Variants in LAMA2 observed in about 807,000 individuals in gnomAD.
LAMA2 encodes laminin subunit alpha 2, also known as laminin subunit alpha-2.
Under a neutral mutation model 364.8 loss-of-function variants are expected in LAMA2, and 269 were observed. The observed-to-expected ratio is 0.74, with a 90% CI of 0.67 to 0.82. The LOEUF (loss-of-function observed/expected upper bound fraction) is 0.82. LAMA2 is among the 40% of genes least tolerant of loss of function. The pLI is 0.00. For synonymous variants in LAMA2, 1,379 were observed against 1,370.6 expected, an observed-to-expected ratio of 1.01 and a Z score of -0.14; for missense variants, 3,807 against 3,873.2, an observed-to-expected ratio of 0.98 and a Z score of 0.45.
intron 28 of LAMA2, among the ~76,000 whole-genome samples, chr6:129,322,734 A>G (rs1775045230): frequency 6.6e-6 from 1 of 152,184 alleles, no homozygotes; most frequent in Admixed American, 6.5e-5. Context: ...TCACTTGTGA[A>G]CAAAAATGTT....
chr6:128,910,278 C>T (rs1332176897), intron 1 of LAMA2, among the ~76,000 whole-genome samples: 2 of 152,262 alleles, frequency 1.3e-5, no homozygotes, highest in Non-Finnish European at 2.9e-5. Flanking sequence ...GTACACCAAT[C>T]AGACGTGGAT....
chr6:129,261,072 T>C (rs181541492), intron 15 of LAMA2, among the ~76,000 whole-genome samples: 60 of 152,278 alleles, frequency 3.9e-4, no homozygotes, highest in African/African-American at 1.4e-3. Flanking sequence ...TGTTTCTGTC[T>C]TTGCTACATA....
chr6:129,192,689 A>G lies in LAMA2; in HGVS notation c.1618A>G (p.Met540Val). The G allele has an allele frequency of 1.2e-6, 2 of 1,614,084 alleles. No homozygotes were observed. Among genetic ancestry groups the G allele is most frequent in the Non-Finnish European group, 1.7e-6 (2 of 1,179,938 alleles). ...GTGTGTTTTCTCTAAGATACAAGAT[A>G]TGAGTGGCTGGTATCTGACTGACCT... The part of the protein sequence containing the change: ...SYWTYGKIQD[M>V]SGWYLTDLPG... Residue 540 changes from methionine (M) to valine (V), a missense_variant, in exon 12 of 65, where the codon ATG becomes GTG. Transcript: ENST00000421865.
intron 51 of LAMA2, among the ~76,000 whole-genome samples, chr6:129,466,299 G>C (rs1171321644): frequency 6.6e-6 from 1 of 151,874 alleles, no homozygotes. Context: ...TCAGAAGAGA[G>C]ACACTTGAGT....
chr6:129,114,844 G>A (rs1776375542), intron 4 of LAMA2, among the ~76,000 whole-genome samples: 1 of 152,024 alleles, frequency 6.6e-6, no homozygotes, highest in Non-Finnish European at 1.5e-5. Flanking sequence ...ATGCCTAGGA[G>A]TTGAAAGTGG....
chr6:129,409,035 C>G (rs1322530585), intron 40 of LAMA2, among the ~76,000 whole-genome samples: 1 of 152,140 alleles, frequency 6.6e-6, no homozygotes, highest in Non-Finnish European at 1.5e-5. Context: ...CTTCCAAGTC[C>G]CTGACCATCC....
At chr6:129,460,059 GATGA>G in intron 48 of LAMA2, 137 bp from the exon 49 acceptor site, 1 of 790,764 alleles carries the variant, frequency 1.3e-6, no homozygotes, top group Non-Finnish European at 2.2e-6. Context: ...ATGATGAAAA[GATGA>G]ATATGTACAT....
intron 4 of LAMA2, among the ~76,000 whole-genome samples, chr6:129,104,171 A>T (rs566064155): frequency 4.6e-5 from 7 of 152,084 alleles, no homozygotes; most frequent in East Asian, 3.9e-4. Context: ...ATTTTTTAAA[A>T]TTTTTTTGTA....
intron 29 of LAMA2, among the ~76,000 whole-genome samples, chr6:129,331,372 C>T (rs571373935): frequency 1.3e-5 from 2 of 152,162 alleles, no homozygotes; most frequent in East Asian, 3.9e-4. Flanking sequence ...CAAGCCTAAA[C>T]CTCTCCTCTC....
intron 48 of LAMA2, among the ~76,000 whole-genome samples, chr6:129,459,627 C>T (rs947292250): frequency 2.0e-5 from 3 of 152,026 alleles, no homozygotes; most frequent in Admixed American, 2.0e-4. Context: ...AAATTTACAG[C>T]AGCACTACCA....
At chr6:129,413,616 A>G (rs6911075) in intron 40 of LAMA2, among the ~76,000 whole-genome samples, 76,221 of 151,984 alleles carry the variant, frequency 0.5, 19,610 homozygotes, top group African/African-American at 0.62. Flanking sequence ...AGAAATTGGT[A>G]CAAAACAATT....
At chr6:129,376,913 C>T (rs1778404673) in intron 34 of LAMA2, among the ~76,000 whole-genome samples, 1 of 152,110 alleles carries the variant, frequency 6.6e-6, no homozygotes, top group Admixed American at 6.6e-5. Context: ...CTTTTTGTTT[C>T]TTACCACAGT....
At chr6:128,947,499 C>T (rs1021834990) in intron 1 of LAMA2, among the ~76,000 whole-genome samples, 8 of 152,156 alleles carry the variant, frequency 5.3e-5, no homozygotes, top group African/African-American at 1.9e-4. Flanking sequence ...TAATTTTACT[C>T]TCAATCCATA....
At chr6:128,961,658 A>T (rs1238004507) in intron 1 of LAMA2, among the ~76,000 whole-genome samples, 2 of 151,544 alleles carry the variant, frequency 1.3e-5, no homozygotes, top group Non-Finnish European at 2.9e-5. Flanking sequence ...GGCTGATTAG[A>T]TTGTGCCCAC....
At chr6:129,026,045 T>C (rs1785787633) in intron 1 of LAMA2, among the ~76,000 whole-genome samples, 1 of 152,124 alleles carries the variant, frequency 6.6e-6, no homozygotes, top group Non-Finnish European at 1.5e-5. Flanking sequence ...GTGTTTTAGT[T>C]TGGATGCTGA....
intron 8 of LAMA2, among the ~76,000 whole-genome samples, chr6:129,154,957 A>G (rs1779021476): frequency 1.3e-5 from 2 of 152,178 alleles, no homozygotes; most frequent in South Asian, 4.1e-4. Flanking sequence ...AACGTAAATT[A>G]GTTGTGCCTC....
intron 12 of LAMA2, among the ~76,000 whole-genome samples, chr6:129,196,535 A>G (rs1396041951): frequency 6.6e-6 from 1 of 152,168 alleles, no homozygotes; most frequent in Admixed American, 6.5e-5. Flanking sequence ...TTACAAAATA[A>G]TTAAAAACTC....
chr6:129,331,773 C>G (rs1402745143), intron 29 of LAMA2, among the ~76,000 whole-genome samples: 1 of 152,118 alleles, frequency 6.6e-6, no homozygotes, highest in Non-Finnish European at 1.5e-5. Context: ...TATAATTTCT[C>G]TTCATCCATT....
chr6:129,082,104 T>G (rs937318962), intron 3 of LAMA2, among the ~76,000 whole-genome samples: 5 of 152,138 alleles, frequency 3.3e-5, no homozygotes, highest in Admixed American at 3.3e-4. Context: ...CAGTAGAAAT[T>G]ATATATTATC....
Sources: allele counts gnomAD v4.1 joint callset (sites outside exome capture counted in the v4.1 genomes callset), GRCh38; gene constraint gnomAD v4.1.1; transcripts MANE v1.5; gene names NCBI Gene and HGNC (gene_info 2026-07-23, HGNC 2026-07-21).